Variants in PDE3B observed in about 807,000 individuals in gnomAD.
PDE3B encodes the protein phosphodiesterase 3B.
A neutral mutation model predicts 116.8 loss-of-function variants in PDE3B; 66 were observed. The ratio of observed to expected loss-of-function variants is 0.56; its 90% CI spans 0.46 to 0.69. PDE3B has a LOEUF of 0.69. Among genes scored for constraint, PDE3B ranks in the 30% least tolerant of loss-of-function variants. The pLI, the probability that PDE3B is intolerant of heterozygous loss-of-function variation, is 0.00. For synonymous variants in PDE3B, 595 were observed against 533.6 expected (o/e 1.12, Z -1.59); for missense variants, 1,384 against 1,368.1 (o/e 1.01, Z -0.18).
intron 8 of PDE3B, among the ~76,000 whole-genome samples, 184 bp downstream of exon 8, chr11:14,831,030 C>T (rs1388085384): frequency 2.0e-5 from 3 of 151,690 alleles, no homozygotes; most frequent in Non-Finnish European, 4.4e-5. Context: ...TGTTCTAATT[C>T]TATCATCCTA....
intron 1 of PDE3B, among the ~76,000 whole-genome samples, chr11:14,690,701 T>G (rs1855020664): frequency 6.6e-6 from 1 of 152,044 alleles, no homozygotes; most frequent in Admixed American, 6.6e-5. Flanking sequence ...ATCATGGAAG[T>G]TAAGAGGAGA....
At chr11:14,740,655 G>A (rs1253982725) in intron 1 of PDE3B, among the ~76,000 whole-genome samples, 1 of 152,070 alleles carries the variant, frequency 6.6e-6, no homozygotes, top group Admixed American at 6.6e-5. Context: ...ATTTGAATTT[G>A]TTTGCTCTTG....
intron 12 of PDE3B, among the ~76,000 whole-genome samples, chr11:14,854,707 G>T (rs968295965): frequency 2.6e-5 from 4 of 152,064 alleles, no homozygotes; most frequent in Non-Finnish European, 4.4e-5. Flanking sequence ...AGTAGAGATG[G>T]GGTTTCACCA....
chr11:14,799,300 T>C (rs1858668471), intron 4 of PDE3B, among the ~76,000 whole-genome samples: 1 of 152,158 alleles, frequency 6.6e-6, no homozygotes, highest in African/African-American at 2.4e-5. Flanking sequence ...TGAGAGACTG[T>C]TTGTTATGAT....
intron 1 of PDE3B, among the ~76,000 whole-genome samples, chr11:14,752,215 TCTGA>T (rs982237885): frequency 5.9e-5 from 9 of 152,190 alleles, no homozygotes; most frequent in African/African-American, 1.9e-4. Context: ...TATAATTCAT[TCTGA>T]CTAAGAACTT....
rs377085887 is a variant in PDE3B, at chr11:14,746,514, A to G, written c.979-25423A>G. Among the ~76,000 whole-genome samples, 13 of 152,332 alleles carry G rather than the reference A, an allele frequency of 8.5e-5. No homozygotes were observed. In the East Asian group the frequency reaches 2.3e-3, roughly 27 times the overall value. ...AAAGGCTTCACCCTCTCTCAACCCAATTTAGGACAACTCTGAAGGGATGTC... is the reference window on the plus strand; with the variant it reads ...AAAGGCTTCACCCTCTCTCAACCCAGTTTAGGACAACTCTGAAGGGATGTC... On this transcript the variant is annotated intron_variant, in intron 1 of 15. Coordinates refer to ENST00000282096, the MANE Select transcript of PDE3B (RefSeq NM_000922.4).
chr11:14,760,445 G>A (rs1183267757), intron 1 of PDE3B, among the ~76,000 whole-genome samples: 4 of 152,170 alleles, frequency 2.6e-5, no homozygotes. Context: ...GACTGAAGGT[G>A]CATAATTTGC....
At position 14,830,700 on chromosome 11, in the gene PDE3B, G is replaced by C; in HGVS notation, c.1810G>C (p.Glu604Gln). 1 of 1,443,990 alleles carries C rather than the reference G, an allele frequency of 6.9e-7. No individual in the cohort carries two copies. Among genetic ancestry groups the C allele is most frequent in the Non-Finnish European group, 9.2e-7 (1 of 1,082,372 alleles). The allele number at this position is 1,443,990 out of a possible 1,614,324, so 89.4% of individuals were successfully genotyped here. A position where few individuals can be genotyped will look rare whatever the true frequency, so the allele number is the denominator to read the frequency against. ...TTACTATATATATTTTTTGAAAGGT[G>C]AAGAAGAAAACATTTTCTCGAAAGA... The part of the protein sequence containing the change: ...GTDCCSGKSG[E>Q]EENIFSKESF... The change falls in exon 8 of 16, where the codon GAA becomes CAA. Residue 604 changes from glutamate to glutamine, a missense_variant and splice_region_variant. Physicochemically the swap from Glu to Gln is conservative, Grantham distance 29 (BLOSUM62 2). Around this residue, in one of 2 missense-constraint regions of PDE3B, gnomAD observed 956 missense variants for 806.8 expected, o/e 1.18. Transcript: ENST00000282096.
At chr11:14,729,666 ATT>A (rs1856402649) in intron 1 of PDE3B, among the ~76,000 whole-genome samples, 1 of 152,254 alleles carries the variant, frequency 6.6e-6, no homozygotes, top group Non-Finnish European at 1.5e-5. Context: ...TCAGAAGTTG[ATT>A]AATCTAACTT....
At chr11:14,815,938 T>TGC (rs1859311956) in intron 5 of PDE3B, among the ~76,000 whole-genome samples, 1 of 146,126 alleles carries the variant, frequency 6.8e-6, no homozygotes, top group Admixed American at 6.9e-5. Flanking sequence ...ATTATATTTA[T>TGC]ACACACACAC....
chr11:14,688,099 CTCTCTCTCTCTCTT>C (rs1305080974), intron 1 of PDE3B, among the ~76,000 whole-genome samples: 57 of 140,678 alleles, frequency 4.1e-4, no homozygotes, highest in African/African-American at 1.5e-3. Flanking sequence ...TTCTTTCTTT[CTCTCTCTCTCTCTT>C]TCTCTCTCTC....
intron 2 of PDE3B, chr11:14,774,189 A>T (rs1284747222): frequency 6.6e-6 from 1 of 152,126 alleles, no homozygotes; most frequent in Non-Finnish European, 1.5e-5. Context: ...CTTGAAATGT[A>T]TGCTATTTAT....
At chr11:14,891,955 C>T in the PDE3B span, 1 of 1,609,020 alleles carries the variant, frequency 6.2e-7, no homozygotes, top group South Asian at 1.1e-5. Flanking sequence ...GCGGCCCTCC[C>T]TGCCCGGGGC....
chr11:14,731,698 A>G (rs569823988), intron 1 of PDE3B, among the ~76,000 whole-genome samples: 16 of 152,346 alleles, frequency 1.1e-4, no homozygotes, highest in African/African-American at 3.4e-4. Flanking sequence ...ACTCAGTCAT[A>G]TAAGTTAAGC....
chr11:14,805,522 C>T (rs966681499), intron 5 of PDE3B, among the ~76,000 whole-genome samples: 1 of 152,088 alleles, frequency 6.6e-6, no homozygotes, highest in East Asian at 1.9e-4. Flanking sequence ...AAATGTAAAT[C>T]AAGTCATTAT....
intron 1 of PDE3B, among the ~76,000 whole-genome samples, chr11:14,695,195 T>A (rs1855168191): frequency 6.6e-6 from 1 of 152,220 alleles, no homozygotes; most frequent in South Asian, 2.1e-4. Context: ...TTTTATTTAT[T>A]TATGGTTTGT....
intron 13 of PDE3B, among the ~76,000 whole-genome samples, chr11:14,860,848 G>C (rs1847934534): frequency 6.6e-6 from 1 of 151,844 alleles, no homozygotes; most frequent in Non-Finnish European, 1.5e-5. Flanking sequence ...GTAGAAATAA[G>C]TAGTTATAAT....
intron 1 of PDE3B, among the ~76,000 whole-genome samples, chr11:14,660,157 A>T (rs1270227063): frequency 6.6e-6 from 1 of 152,220 alleles, no homozygotes. Flanking sequence ...AAGACAGAGG[A>T]TGTAGAGTTT....
chr11:14,691,081 G>T (rs1855029534), intron 1 of PDE3B, among the ~76,000 whole-genome samples: 1 of 152,162 alleles, frequency 6.6e-6, no homozygotes, highest in Non-Finnish European at 1.5e-5. Flanking sequence ...AAAAGGAAAT[G>T]AGGTCAAGAC....
Sources: gnomAD v4.1 joint callset for allele counts (sites outside exome capture counted in the v4.1 genomes callset) on GRCh38, gnomAD v4.1.1 for gene constraint, gnomAD v4.1.1 regional missense constraint, MANE v1.5 for transcripts, NCBI Gene and HGNC (gene_info 2026-07-23, HGNC 2026-07-21) for gene names.